The following DKK2 variants were observed in gnomAD, a reference collection of about 807,000 sequenced individuals.
DKK2 encodes the protein dickkopf Wnt signaling pathway inhibitor 2.
A neutral mutation model predicts 28.1 loss-of-function variants in DKK2; 11 were observed. The observed-to-expected ratio is 0.39, with a 90% CI of 0.25 to 0.65. The LOEUF is 0.65. DKK2 is among the 30% of genes least tolerant of loss of function. The pLI is 0.47. For synonymous variants in DKK2, 135 were observed against 126.5 expected (o/e 1.07, Z -0.45); for missense variants, 326 against 335.5 (o/e 0.97, Z 0.22).
intron 1 of DKK2, among the ~76,000 whole-genome samples, chr4:106,936,631 C>A (rs981230686): frequency 1.3e-5 from 2 of 152,142 alleles, no homozygotes; most frequent in African/African-American, 4.8e-5. Context: ...CAAGGATACT[C>A]CTCGAGAAGA....
intron 1 of DKK2, among the ~76,000 whole-genome samples, chr4:106,991,019 A>T (rs1411370227): frequency 1.3e-5 from 2 of 152,248 alleles, no homozygotes; most frequent in East Asian, 3.9e-4. Flanking sequence ...TAGATGAAAA[A>T]TTTTTGTTCT....
At chr4:106,988,485 C>T (rs550629681) in intron 1 of DKK2, among the ~76,000 whole-genome samples, 2 of 152,290 alleles carry the variant, frequency 1.3e-5, no homozygotes, top group African/African-American at 4.8e-5. Context: ...CATTAAATAA[C>T]GACCAATTTT....
intron 2 of DKK2, 62 bp from the exon 3 acceptor site, chr4:106,924,762 C>T: frequency 6.7e-7 from 1 of 1,502,994 alleles, no homozygotes; most frequent in Non-Finnish European, 9.1e-7. Context: ...TACTTATCCA[C>T]ATACTCTCTT....
intron 1 of DKK2, among the ~76,000 whole-genome samples, chr4:106,979,836 C>A (rs552007695): frequency 1.3e-5 from 2 of 152,344 alleles, no homozygotes; most frequent in South Asian, 4.1e-4. Context: ...ATCACAGTAT[C>A]CAGGTGTTTG....
chr4:107,014,308 A>G (rs1723559216), intron 1 of DKK2, among the ~76,000 whole-genome samples: 1 of 151,644 alleles, frequency 6.6e-6, no homozygotes, highest in South Asian at 2.1e-4. Flanking sequence ...ATTGAGCTAT[A>G]TAAAGGAATG....
At chr4:106,980,743 A>G (rs148360077) in intron 1 of DKK2, among the ~76,000 whole-genome samples, 149 of 152,322 alleles carry the variant, frequency 9.8e-4, no homozygotes, top group African/African-American at 3.5e-3. Context: ...AGGAAATTAA[A>G]TGCACTGTCA....
At chr4:106,961,301 C>T (rs1213775791) in intron 1 of DKK2, among the ~76,000 whole-genome samples, 1 of 151,960 alleles carries the variant, frequency 6.6e-6, no homozygotes, top group African/African-American at 2.4e-5. Context: ...AGGATTTTGA[C>T]CCTGCTAAAA....
At chr4:107,027,918 AT>A (rs1328282511) in intron 1 of DKK2, among the ~76,000 whole-genome samples, 2 of 151,576 alleles carry the variant, frequency 1.3e-5, no homozygotes, top group African/African-American at 4.8e-5. Context: ...CGCCCGGCTA[AT>A]TTTTTGTATT....
chr4:106,991,598 T>A (rs1432762742), intron 1 of DKK2, among the ~76,000 whole-genome samples: 2 of 152,152 alleles, frequency 1.3e-5, no homozygotes, highest in Non-Finnish European at 2.9e-5. Context: ...TATGAGCACA[T>A]CCATGCAGCC....
Position 106,993,710 on chromosome 4 carries a change from T to C in DKK2, c.222+41660A>G, listed in dbSNP as rs369128299. ...AACCTTTACATAATGTCCAATATAA[T>C]GTATACAGTTTTAATTCTTAGTTAA... On this transcript the variant is annotated intron_variant, in intron 1 of 3. Coordinates refer to ENST00000285311, the MANE Select transcript of DKK2 (RefSeq NM_014421.3). 7.2e-5 allele frequency among the ~76,000 whole-genome samples: 11 copies of C among 152,230 alleles called. 1 individual carries two copies. The highest frequency in any genetic ancestry group is 6.5e-4 in the Admixed American group (10 of 15,276).
At chr4:106,947,913 G>C (rs1261282951) in intron 1 of DKK2, among the ~76,000 whole-genome samples, 2 of 151,934 alleles carry the variant, frequency 1.3e-5, no homozygotes, top group Non-Finnish European at 2.9e-5. Flanking sequence ...AGCCTCTCGA[G>C]TTGCTAGGAT....
At chr4:106,977,147 C>T (rs2110356494) in intron 1 of DKK2, among the ~76,000 whole-genome samples, 1 of 152,266 alleles carries the variant, frequency 6.6e-6, no homozygotes, top group African/African-American at 2.4e-5. Context: ...GGTAACCCAA[C>T]CTTTCTCTCT....
chr4:106,954,032 A>G (rs777738712), intron 1 of DKK2, among the ~76,000 whole-genome samples: 1 of 152,136 alleles, frequency 6.6e-6, no homozygotes, highest in African/African-American at 2.4e-5. Flanking sequence ...AATAACTACT[A>G]TTTACTATGT....
rs1724349084 is a variant in DKK2, at chr4:106,921,949, C to A, written c.*2005G>T. 6.6e-6 allele frequency: 1 copy of A among 152,510 alleles called. No homozygotes were observed. Among genetic ancestry groups the A allele is most frequent in the Admixed American group, 6.6e-5 (1 of 15,240 alleles). The allele number at this position is 152,510 out of a possible 1,614,324, so 9.4% of individuals were successfully genotyped here. A position where few individuals can be genotyped will look rare whatever the true frequency, so the allele number is the denominator to read the frequency against. The stretch of plus-strand genomic sequence containing the variant: ...AGAAAATACATCTCATTAACATTTC[C>A]TGTAAATAAATTACTTCAAATAATA... On this transcript the variant is annotated 3_prime_UTR_variant, in exon 4 of 4. Coordinates refer to ENST00000285311, the MANE Select transcript of DKK2 (RefSeq NM_014421.3).
chr4:107,020,362 T>C (rs781644527), intron 1 of DKK2, among the ~76,000 whole-genome samples: 58 of 152,098 alleles, frequency 3.8e-4, no homozygotes, highest in Non-Finnish European at 7.4e-4. Flanking sequence ...AAAAAGCCAT[T>C]TCCTCCTGGA....
At chr4:106,983,737 A>G (rs753793858) in intron 1 of DKK2, among the ~76,000 whole-genome samples, 2 of 152,364 alleles carry the variant, frequency 1.3e-5, no homozygotes, top group Non-Finnish European at 2.9e-5. Context: ...TTTCAAATAT[A>G]TAAAGAACTC....
chr4:106,927,814 G>A (rs2110339520), intron 1 of DKK2, among the ~76,000 whole-genome samples: 1 of 152,134 alleles, frequency 6.6e-6, no homozygotes, highest in East Asian at 1.9e-4. Context: ...TCATCAAATT[G>A]TTTTGCAACA....
chr4:106,966,090 A>G (rs574701839), intron 1 of DKK2, among the ~76,000 whole-genome samples: 6 of 152,258 alleles, frequency 3.9e-5, no homozygotes, highest in Non-Finnish European at 8.8e-5. Context: ...ACCAGCCGCT[A>G]TAAAGTAATT....
intron 1 of DKK2, among the ~76,000 whole-genome samples, chr4:107,006,302 G>A (rs1723437279): frequency 6.6e-6 from 1 of 152,010 alleles, no homozygotes; most frequent in African/African-American, 2.4e-5. Flanking sequence ...ATGTGGGCAG[G>A]GTATTATAGA....
Sources: allele counts gnomAD v4.1 joint callset (sites outside exome capture counted in the v4.1 genomes callset), GRCh38; gene constraint gnomAD v4.1.1; transcripts MANE v1.5; gene names NCBI Gene and HGNC (gene_info 2026-07-23, HGNC 2026-07-21).